RMDN1: variants seen among roughly 807,000 people sequenced by gnomAD.
RMDN1 encodes regulator of microtubule dynamics 1.
In RMDN1, 48 loss-of-function variants were observed where a neutral mutation model predicts 48.9. The ratio of observed to expected loss-of-function variants is 0.98; its 90% CI spans 0.78 to 1.25. RMDN1 has a LOEUF of 1.25. RMDN1 is among the 50% of genes most tolerant of loss of function. The probability of loss-of-function intolerance (pLI) is 0.00; values close to 1 mark genes in which losing one functional copy is unlikely to be tolerated. For synonymous variants in RMDN1, 148 were observed against 132.6 expected, an observed-to-expected ratio of 1.12 and a Z score of -0.80; for missense variants, 418 against 373.4, an observed-to-expected ratio of 1.12 and a Z score of -0.98.
At chr8:86,500,981 C>G (rs1420970822) in intron 2 of RMDN1, among the ~76,000 whole-genome samples, 1 of 152,134 alleles carries the variant, frequency 6.6e-6, no homozygotes, top group East Asian at 1.9e-4. Context: ...CACTTGTTAA[C>G]TGGGCACTAA....
intron 8 of RMDN1, among the ~76,000 whole-genome samples, chr8:86,476,251 A>G (rs1813356046): frequency 6.6e-6 from 1 of 152,240 alleles, no homozygotes; most frequent in South Asian, 2.1e-4. Context: ...CCCTAGATTC[A>G]TATTCATGAT....
chr8:86,511,177 A>G (rs1456538490), upstream of RMDN1, among the ~76,000 whole-genome samples: 2 of 151,620 alleles, frequency 1.3e-5, no homozygotes, highest in African/African-American at 4.9e-5. Flanking sequence ...AAAAAAAAGA[A>G]AAGAAAATTA....
chr8:86,475,115 T>C (rs1813150174), intron 8 of RMDN1, 162 bp from the exon 9 acceptor site: 2 of 535,082 alleles, frequency 3.7e-6, no homozygotes, highest in African/African-American at 3.9e-5. Flanking sequence ...CAAACAAATA[T>C]TTGTAAAATA....
chr8:86,482,060 T>G, intron 5 of RMDN1: 1 of 659,134 alleles, frequency 1.5e-6, no homozygotes, highest in South Asian at 1.8e-5. Context: ...GTCCTCCTGC[T>G]AAAGCTCACG....
At position 86,486,603 on chromosome 8, in the gene RMDN1, G is replaced by T; in HGVS notation, c.376C>A (p.Arg126Ser). Residue 126 changes from arginine (R) to serine (S), a missense_variant, in exon 4 of 10, where the codon CGT (arginine) becomes AGT (serine). Arg to Ser is a moderately radical substitution (Grantham distance 110). Coordinates refer to ENST00000406452, the MANE Select transcript of RMDN1 (RefSeq NM_016033.3). ...GTTCTGCTAAGCTGAGCTACATCAC[G>T]TGATGCCCGTGCCAAACGCCACAGT... ...ELLWRLARAS[R>S]DVAQLSRTSE... is the part of the protein sequence containing the mutation. The T allele has an allele frequency of 6.2e-7, 1 of 1,607,698 alleles. No individual in the cohort carries two copies. Among genetic ancestry groups the T allele is most frequent in the African/African-American group, 1.3e-5 (1 of 74,806 alleles).
intron 3 of RMDN1, among the ~76,000 whole-genome samples, chr8:86,487,889 T>C (rs1815754737): frequency 1.3e-5 from 2 of 152,088 alleles, no homozygotes; most frequent in Admixed American, 1.3e-4. Flanking sequence ...AGAAAACTGG[T>C]TTTGAAAATC....
chr8:86,505,415 TC>T (rs1014370357), intron 2 of RMDN1: 1 of 455,482 alleles, frequency 2.2e-6, no homozygotes, highest in Non-Finnish European at 4.4e-6. Context: ...AAGGCGCAGT[TC>T]CCCCAACCTC....
At chr8:86,486,004 C>T (rs555784570) in intron 4 of RMDN1, among the ~76,000 whole-genome samples, 2 of 152,236 alleles carry the variant, frequency 1.3e-5, no homozygotes, top group South Asian at 2.1e-4. Flanking sequence ...TACTGAAAAA[C>T]GTTGTTGTGA....
At chr8:86,493,739 C>T (rs12546331) in intron 2 of RMDN1, among the ~76,000 whole-genome samples, 76,271 of 151,974 alleles carry the variant, frequency 0.5, 19,651 homozygotes, top group Admixed American at 0.61. Flanking sequence ...TTGTTCAGTG[C>T]ACACAAACTT....
chr8:86,469,272 T>C (rs1485918772), downstream of RMDN1, among the ~76,000 whole-genome samples: 1 of 151,810 alleles, frequency 6.6e-6, no homozygotes, highest in South Asian at 2.1e-4. Flanking sequence ...TACCTAGCTC[T>C]TCCTACCCTG....
intron 2 of RMDN1, among the ~76,000 whole-genome samples, chr8:86,489,397 C>T (rs1173299458): frequency 3.9e-5 from 6 of 152,260 alleles, no homozygotes; most frequent in South Asian, 2.1e-4. Context: ...GTCTGAATTT[C>T]GGGAAATTCC....
At chr8:86,507,177 A>G (rs1819513215) in intron 1 of RMDN1, 65 bp from the exon 2 acceptor site, 2 of 910,640 alleles carry the variant, frequency 2.2e-6, no homozygotes. Flanking sequence ...TACCCCAAGC[A>G]AAAATTACAT....
chr8:86,503,385 A>AAAAACAAAAC, intron 2 of RMDN1, among the ~76,000 whole-genome samples: 1 of 81,092 alleles, frequency 1.2e-5, no homozygotes. Flanking sequence ...AAAAAAAAAA[A>AAAAACAAAAC]AAAACAAAAA....
intron 3 of RMDN1, among the ~76,000 whole-genome samples, chr8:86,488,182 A>G (rs765969137): frequency 5.9e-5 from 9 of 152,206 alleles, no homozygotes; most frequent in South Asian, 2.1e-4. Flanking sequence ...CCTACATCTC[A>G]GTGAATTCAT....
upstream of RMDN1, among the ~76,000 whole-genome samples, chr8:86,511,816 CAAAA>C (rs1157080564): frequency 2.0e-5 from 1 of 50,462 alleles, no homozygotes. Flanking sequence ...ACCTGTCTCT[CAAAA>C]AAAAAAAAAG....
chr8:86,471,726 G>GTGAT (rs1563569454), downstream of RMDN1, among the ~76,000 whole-genome samples: 1 of 152,170 alleles, frequency 6.6e-6, no homozygotes, highest in East Asian at 1.9e-4. Context: ...AAATCAGTAA[G>GTGAT]TGATAAATGT....
At position 86,488,609 on chromosome 8, in the gene RMDN1, A is replaced by T. The variant is rs761909255; in HGVS notation, c.278T>A (p.Leu93Gln). Residue 93 changes from leucine to glutamine, a missense_variant, in exon 3 of 10, where the codon CTG (leucine) becomes CAG (glutamine). Physicochemically the swap from Leu to Gln is moderately radical, Grantham distance 113. Coordinates refer to ENST00000406452, the MANE Select transcript of RMDN1 (RefSeq NM_016033.3). ...VEEILEQADY[L>Q]YESGETEKLY... is the part of the protein sequence containing the mutation. The stretch of plus-strand genomic sequence containing the variant: ...TTTTTCTGTTTCTCCGCTTTCATAC[A>T]GGTAGTCTGCTTGTTCAAGTATTTC... 9 of 1,610,624 alleles carry T rather than the reference A, an allele frequency of 5.6e-6. No individual in the cohort carries two copies. In the South Asian group the frequency reaches 8.8e-5, roughly 16 times the overall value.
rs1230156215 is a variant in RMDN1, at chr8:86,472,458, A to T, written c.*1850T>A. On this transcript the variant is annotated 3_prime_UTR_variant, in exon 10 of 10. Coordinates refer to ENST00000406452, the MANE Select transcript of RMDN1 (RefSeq NM_016033.3). ...AGAAAGACCCACTTCCTGGCCCTTC[A>T]GCTGCTTCTGTTTCTCTTCACCTAC... The T allele has an allele frequency of 2.8e-6, 2 of 702,532 alleles. No homozygotes were observed. The highest frequency in any genetic ancestry group is 2.6e-6 in the Non-Finnish European group (1 of 384,996). The allele number at this position is 702,532 out of a possible 1,614,324, so 43.5% of individuals were successfully genotyped here.
intron 2 of RMDN1, among the ~76,000 whole-genome samples, chr8:86,503,375 A>C (rs933508700): frequency 1.1e-4 from 10 of 87,184 alleles, no homozygotes; most frequent in East Asian, 3.1e-4. Flanking sequence ...ACAAAACAAA[A>C]AAAAAAAAAA....
Sources: allele counts gnomAD v4.1 joint callset (sites outside exome capture counted in the v4.1 genomes callset), GRCh38; gene constraint gnomAD v4.1.1; transcripts MANE v1.5; gene names NCBI Gene and HGNC (gene_info 2026-07-23, HGNC 2026-07-21).